Variants in GNAL observed in about 807,000 individuals in gnomAD.
GNAL encodes G protein subunit alpha L, also known as guanine nucleotide-binding protein G(olf) subunit alpha.
A neutral mutation model predicts 55.1 loss-of-function variants in GNAL; 18 were observed. That is an observed-to-expected ratio of 0.33 (90% CI 0.23 to 0.48). GNAL has a LOEUF of 0.48. GNAL is among the 20% of genes least tolerant of loss of function. The pLI, the probability that GNAL is intolerant of heterozygous loss-of-function variation, is 0.99. For synonymous variants in GNAL, 253 were observed against 237.0 expected, an observed-to-expected ratio of 1.07 and a Z score of -0.62; for missense variants, 412 against 614.1, an observed-to-expected ratio of 0.67 and a Z score of 3.48.
chr18:11,881,125 A>G lies in GNAL; in HGVS notation c.1367A>G (p.Glu456Gly). Residue 456 changes from glutamate to glycine, a missense_variant, in exon 12 of 12, where the codon GAG becomes GGG. Glu to Gly is a moderately conservative substitution (Grantham distance 98). Around this residue, in one of 5 missense-constraint regions of GNAL, gnomAD observed 79 missense variants for 127.1 expected, o/e 0.62. Coordinates refer to ENST00000334049, the MANE Select transcript of GNAL (RefSeq NM_182978.4). This position sits in a 1 kb window ranked among gnomAD's most constrained non-coding sequence, Gnocchi z 4.8. ...IIQRMHLKQY[E>G]LL ...CAGCGGATGCACCTCAAGCAGTATG[A>G]GCTCTTGTGAGGATGCTGCCGCCAC... is the stretch of plus-strand genomic sequence containing the variant. 6.2e-7 allele frequency: 1 copy of G among 1,608,240 alleles called. No homozygotes were observed. The highest frequency in any genetic ancestry group is 8.5e-7 in the Non-Finnish European group (1 of 1,176,786).
At chr18:11,711,418 T>C (rs2031837603) in intron 1 of GNAL, among the ~76,000 whole-genome samples, 1 of 152,120 alleles carries the variant, frequency 6.6e-6, no homozygotes, top group Non-Finnish European at 1.5e-5. Context: ...TCCTTTTTAC[T>C]CTTCTGACTA....
chr18:11,877,119 T>C (rs936797554), intron 11 of GNAL, among the ~76,000 whole-genome samples: 2 of 152,224 alleles, frequency 1.3e-5, no homozygotes, highest in African/African-American at 4.8e-5. Context: ...TTGAGATTAT[T>C]TCAAACTTAC....
Position 11,884,585 on chromosome 18 carries a change from G to A in GNAL, c.*3450G>A. 1 of 1,613,932 alleles carries A rather than the reference G, an allele frequency of 6.2e-7. No homozygotes were observed. The highest frequency in any genetic ancestry group is 1.1e-5 in the South Asian group (1 of 91,086). On this transcript the variant is annotated 3_prime_UTR_variant, in exon 12 of 12. Transcript: ENST00000334049. ...ATCAAAACCACATCCTCACGTGGGA[G>A]GTAGCACTTGGAGAGGGTGTAGTCT...
intron 4 of GNAL, among the ~76,000 whole-genome samples, chr18:11,799,596 C>T (rs561652919): frequency 7.2e-5 from 11 of 152,070 alleles, no homozygotes; most frequent in Admixed American, 3.9e-4. Context: ...ATGTTCTGAG[C>T]GCTTACATGA....
intron 4 of GNAL, among the ~76,000 whole-genome samples, chr18:11,824,198 G>C (rs552204016): frequency 6.7e-5 from 10 of 148,790 alleles, no homozygotes; most frequent in Non-Finnish European, 1.0e-4. Flanking sequence ...CATAGAAAAC[G>C]TAAAAGACAG....
chr18:11,744,501 A>G (rs1449508015), intron 1 of GNAL, among the ~76,000 whole-genome samples: 1 of 152,170 alleles, frequency 6.6e-6, no homozygotes, highest in East Asian at 1.9e-4. Context: ...GGTTATTTCC[A>G]CCAAGATACT....
chr18:11,721,933 T>TA (rs1317542037), intron 1 of GNAL, among the ~76,000 whole-genome samples: 3 of 147,856 alleles, frequency 2.0e-5, no homozygotes, highest in African/African-American at 5.1e-5. Context: ...AATAAATAAA[T>TA]AATAAAATAG....
chr18:11,749,780 G>C (rs957669006), intron 1 of GNAL, among the ~76,000 whole-genome samples: 1 of 152,160 alleles, frequency 6.6e-6, no homozygotes, highest in African/African-American at 2.4e-5. Context: ...GGATAACTAG[G>C]GGGGTTGACC....
intron 4 of GNAL, among the ~76,000 whole-genome samples, chr18:11,767,354 A>G (rs1262571190): frequency 6.0e-5 from 9 of 150,542 alleles, no homozygotes; most frequent in South Asian, 2.1e-4. Context: ...TATGCTTACA[A>G]ACCTGCTCTG....
chr18:11,825,154 A>C lies in GNAL; in HGVS notation c.722+139A>C, dbSNP rs2035207566. On this transcript the variant is annotated intron_variant, in intron 5 of 11. Transcript: ENST00000334049. The stretch of plus-strand genomic sequence containing the variant: ...CTTTTATGACAGAAATCAACTTTTA[A>C]AATGAGACATGTTTAGTAGATGGAA... 15 of 607,790 alleles carry C rather than the reference A, an allele frequency of 2.5e-5. No homozygotes were observed. In the South Asian group the frequency reaches 2.9e-4, roughly 12 times the overall value. 37.6% of individuals were successfully genotyped at this position (607,790 alleles called of 1,614,324 possible).
intron 1 of GNAL, among the ~76,000 whole-genome samples, chr18:11,693,741 C>CTTTTTTTTTT (rs576637274): frequency 9.0e-6 from 1 of 110,966 alleles, no homozygotes; most frequent in African/African-American, 3.3e-5. Context: ...CCAGCAGTGT[C>CTTTTTTTTTT]TTTTTTTTTT....
intron 4 of GNAL, among the ~76,000 whole-genome samples, chr18:11,761,699 A>G (rs930659200): frequency 2.6e-5 from 4 of 152,156 alleles, no homozygotes; most frequent in Non-Finnish European, 4.4e-5. Flanking sequence ...GCAAGTTCCA[A>G]TAAGCTGCAG....
chr18:11,875,608 G>A (rs531751712), intron 10 of GNAL, among the ~76,000 whole-genome samples: 12 of 152,278 alleles, frequency 7.9e-5, no homozygotes, highest in East Asian at 3.9e-4. Context: ...CCCTGGCCAC[G>A]TGAGATGTCT....
At chr18:11,784,582 C>A (rs548378268) in intron 4 of GNAL, among the ~76,000 whole-genome samples, 1 of 152,304 alleles carries the variant, frequency 6.6e-6, no homozygotes, top group South Asian at 2.1e-4. Flanking sequence ...TTGTTCTTTT[C>A]ATTTTATTTT....
chr18:11,810,924 GC>G, intron 4 of GNAL: 1 of 152,234 alleles, frequency 6.6e-6, no homozygotes, highest in Non-Finnish European at 1.5e-5. Context: ...CCCTTGGGCC[GC>G]CCCCCACACC....
At chr18:11,870,152 C>T (rs1481040397) in intron 9 of GNAL, among the ~76,000 whole-genome samples, 1 of 152,148 alleles carries the variant, frequency 6.6e-6, no homozygotes, top group Non-Finnish European at 1.5e-5. Context: ...TAGACCAATC[C>T]CCCACGGGTA....
At chr18:11,831,843 G>C (rs898157825) in intron 5 of GNAL, among the ~76,000 whole-genome samples, 2 of 152,220 alleles carry the variant, frequency 1.3e-5, no homozygotes, top group Non-Finnish European at 2.9e-5. Flanking sequence ...TCCCTGAGCA[G>C]GTGCTGTGGT....
chr18:11,781,920 T>C (rs865985691), intron 4 of GNAL, among the ~76,000 whole-genome samples: 1 of 152,206 alleles, frequency 6.6e-6, no homozygotes, highest in Non-Finnish European at 1.5e-5. Context: ...AGAATATTCA[T>C]AGTGGCACTG....
intron 1 of GNAL, among the ~76,000 whole-genome samples, chr18:11,702,875 T>C (rs1030391840): frequency 6.6e-6 from 1 of 150,896 alleles, no homozygotes; most frequent in Non-Finnish European, 1.5e-5. Context: ...CCCAACACTT[T>C]GGGAGGCTGA....
Sources: gnomAD v4.1 joint callset for allele counts (sites outside exome capture counted in the v4.1 genomes callset) on GRCh38, gnomAD v4.1.1 for gene constraint, gnomAD v4.1.1 regional missense constraint, Gnocchi (gnomAD v3.1) non-coding constraint, MANE v1.5 for transcripts, NCBI Gene and HGNC (gene_info 2026-07-23, HGNC 2026-07-21) for gene names.